DLGAP2: variants seen among roughly 807,000 people sequenced by gnomAD.
DLGAP2 encodes the protein DLG associated protein 2, also known as disks large-associated protein 2.
In DLGAP2, 26 loss-of-function variants were observed where a neutral mutation model predicts 100.3. The ratio of observed to expected loss-of-function variants is 0.26; its 90% CI spans 0.19 to 0.36. DLGAP2 has a LOEUF of 0.36. Among genes scored for constraint, DLGAP2 ranks in the 10% least tolerant of loss-of-function variants. DLGAP2 has a pLI of 1.00. For synonymous variants in DLGAP2, 886 were observed against 630.1 expected, an observed-to-expected ratio of 1.41 and a Z score of -6.08; for missense variants, 1,858 against 1,453.2, an observed-to-expected ratio of 1.28 and a Z score of -4.53.
At chr8:1,112,053 C>G (rs565707310) in intron 2 of DLGAP2, among the ~76,000 whole-genome samples, 1 of 152,196 alleles carries the variant, frequency 6.6e-6, no homozygotes, top group Non-Finnish European at 1.5e-5. Context: ...TTTTTCTCCA[C>G]AACCTCACCA....
At chr8:995,520 C>T (rs983909392) in intron 2 of DLGAP2, among the ~76,000 whole-genome samples, 1 of 152,156 alleles carries the variant, frequency 6.6e-6, no homozygotes, top group Admixed American at 6.5e-5. Context: ...ATTTCCATTA[C>T]ATATATGCAT....
chr8:1,496,516 T>G (rs1799550380), intron 3 of DLGAP2, among the ~76,000 whole-genome samples: 1 of 152,094 alleles, frequency 6.6e-6, no homozygotes, highest in East Asian at 1.9e-4. Context: ...CGAGTCTCCC[T>G]TCCAGGAAGT....
chr8:1,640,917 G>A lies in DLGAP2; in HGVS notation c.1810+7871G>A, dbSNP rs955323879. Reference sequence around the variant, plus strand: ...GCCTTATGTACTTTATCCGTTGTGCGCTAAGCCTATAGGATGAGTGGATGA... The same window carrying A: ...GCCTTATGTACTTTATCCGTTGTGCACTAAGCCTATAGGATGAGTGGATGA... On this transcript the variant is annotated intron_variant, in intron 8 of 14. Coordinates refer to ENST00000637795, the MANE Select transcript of DLGAP2 (RefSeq NM_001346810.2). Among the ~76,000 whole-genome samples, 7 of 152,292 alleles carry A rather than the reference G, an allele frequency of 4.6e-5. No homozygotes were observed. The East Asian group carries it at 5.8e-4, about 13-fold the overall frequency.
chr8:1,293,033 G>C (rs1017552505), intron 3 of DLGAP2, among the ~76,000 whole-genome samples: 4 of 152,084 alleles, frequency 2.6e-5, no homozygotes, highest in Non-Finnish European at 5.9e-5. Context: ...GCTTATCCAG[G>C]CCTTTGAGTC....
At chr8:1,308,099 G>A (rs897715288) in intron 3 of DLGAP2, among the ~76,000 whole-genome samples, 1 of 152,156 alleles carries the variant, frequency 6.6e-6, no homozygotes, top group African/African-American at 2.4e-5. Context: ...TTCAGAAAAG[G>A]CCTAGGAAGA....
intron 8 of DLGAP2, among the ~76,000 whole-genome samples, chr8:1,653,477 A>T (rs1211980283): frequency 6.6e-6 from 1 of 152,180 alleles, no homozygotes; most frequent in East Asian, 1.9e-4. Flanking sequence ...GTTCATGCTC[A>T]GCTAGCTCAA....
chr8:758,283 A>G (rs1246947869), intron 1 of DLGAP2, among the ~76,000 whole-genome samples: 1 of 152,180 alleles, frequency 6.6e-6, no homozygotes, highest in African/African-American at 2.4e-5. Flanking sequence ...CCACATCTGT[A>G]CTTTCTGAAT....
intron 4 of DLGAP2, among the ~76,000 whole-genome samples, chr8:1,505,792 G>C (rs1482333898): frequency 1.3e-5 from 2 of 152,228 alleles, no homozygotes; most frequent in Non-Finnish European, 2.9e-5. Context: ...GGCTCATTAT[G>C]ACGTTACTTC....
At chr8:1,196,410 G>C (rs1563246485) in intron 2 of DLGAP2, among the ~76,000 whole-genome samples, 1 of 152,200 alleles carries the variant, frequency 6.6e-6, no homozygotes, top group South Asian at 2.1e-4. Flanking sequence ...AAGCCAGATA[G>C]GTGTGTGATG....
chr8:1,315,399 G>C (rs1225313792), intron 3 of DLGAP2, among the ~76,000 whole-genome samples: 1 of 139,930 alleles, frequency 7.1e-6, no homozygotes, highest in South Asian at 2.3e-4. Context: ...GTCTACACTC[G>C]AGAAACTCGG....
At chr8:1,246,196 G>A (rs919322281) in intron 2 of DLGAP2, among the ~76,000 whole-genome samples, 3 of 152,150 alleles carry the variant, frequency 2.0e-5, no homozygotes, top group Admixed American at 6.5e-5. Flanking sequence ...TTCAAGATGT[G>A]GGTAATTGGC....
intron 3 of DLGAP2, among the ~76,000 whole-genome samples, chr8:1,496,332 G>C (rs928558018): frequency 6.6e-6 from 1 of 152,050 alleles, no homozygotes; most frequent in Non-Finnish European, 1.5e-5. Flanking sequence ...GTGCATGGGG[G>C]TCGGAACCTG....
intron 2 of DLGAP2, among the ~76,000 whole-genome samples, chr8:1,191,618 G>A (rs1007366966): frequency 4.0e-5 from 6 of 151,896 alleles, no homozygotes; most frequent in East Asian, 1.9e-4. Flanking sequence ...ACAACGCGCC[G>A]TATCTGGGTC....
chr8:1,655,907 A>G (rs1184919071), intron 8 of DLGAP2, among the ~76,000 whole-genome samples: 1 of 152,224 alleles, frequency 6.6e-6, no homozygotes, highest in Admixed American at 6.5e-5. Flanking sequence ...GATGAGGAAG[A>G]CGTTCCACGC....
chr8:1,132,940 A>T (rs1046171751), intron 2 of DLGAP2, among the ~76,000 whole-genome samples: 7 of 152,168 alleles, frequency 4.6e-5, no homozygotes, highest in Non-Finnish European at 1.0e-4. Flanking sequence ...CGCTAGAAAG[A>T]CTTACTTTCT....
chr8:1,026,627 A>G (rs908204856), intron 2 of DLGAP2, among the ~76,000 whole-genome samples: 1 of 152,250 alleles, frequency 6.6e-6, no homozygotes, highest in African/African-American at 2.4e-5. Flanking sequence ...AATTCACAAT[A>G]ATAGATGACA....
chr8:1,100,472 A>G lies in DLGAP2; in HGVS notation c.74-158379A>G, dbSNP rs558531095. Among the ~76,000 whole-genome samples, 6 of 152,178 alleles carry G rather than the reference A, an allele frequency of 3.9e-5. No individual in the cohort carries two copies. In the East Asian group the frequency reaches 1.2e-3, roughly 29 times the overall value. ...TTTGTCCAGCATGTCCACAGTGTACAATGTGTGTAGGGAAAAACATGTATT... is the reference window on the plus strand; with the variant it reads ...TTTGTCCAGCATGTCCACAGTGTACGATGTGTGTAGGGAAAAACATGTATT... On this transcript the variant is annotated intron_variant, in intron 2 of 14. Coordinates refer to ENST00000637795, the MANE Select transcript of DLGAP2 (RefSeq NM_001346810.2).
At chr8:1,540,227 C>G (rs1416567316) in intron 4 of DLGAP2, among the ~76,000 whole-genome samples, 6 of 152,206 alleles carry the variant, frequency 3.9e-5, no homozygotes, top group South Asian at 2.1e-4. Context: ...AGGCCCGAAA[C>G]ATGGGGTGAT....
chr8:831,522 A>G (rs1432870723), intron 1 of DLGAP2, among the ~76,000 whole-genome samples: 1 of 152,132 alleles, frequency 6.6e-6, no homozygotes, highest in Non-Finnish European at 1.5e-5. Context: ...AGCTTCATCC[A>G]TGTCCCTGCA....
Sources: allele counts gnomAD v4.1 joint callset (sites outside exome capture counted in the v4.1 genomes callset), GRCh38; gene constraint gnomAD v4.1.1; transcripts MANE v1.5; gene names NCBI Gene and HGNC (gene_info 2026-07-23, HGNC 2026-07-21).